The following SETX variants were observed in gnomAD, a reference collection of about 807,000 sequenced individuals.
The protein encoded by SETX is senataxin.
Under a neutral mutation model 227.2 loss-of-function variants are expected in SETX, and 90 were observed. That is an observed-to-expected ratio of 0.40 (90% confidence interval 0.33 to 0.47). SETX has a LOEUF of 0.47. Among genes scored for constraint, SETX ranks in the 20% least tolerant of loss-of-function variants. The pLI is 0.91. For missense variants in SETX, 3,052 were observed against 3,181.5 expected (o/e 0.96, Z 0.98); for synonymous variants, 1,210 against 1,113.2 (o/e 1.09, Z -1.73).
At chr9:132,284,596 G>C (rs1348824089) in intron 18 of SETX, among the ~76,000 whole-genome samples, 1 of 152,122 alleles carries the variant, frequency 6.6e-6, no homozygotes, top group African/African-American at 2.4e-5. Context: ...AATCTTACAG[G>C]ATATTTTCAC....
chr9:132,331,918 A>C (rs1483040864), intron 7 of SETX, among the ~76,000 whole-genome samples: 1 of 152,222 alleles, frequency 6.6e-6, no homozygotes, highest in Non-Finnish European at 1.5e-5. Flanking sequence ...ATAATACAAG[A>C]AATTCTCTTT....
At chr9:132,319,615 G>A (rs2131388423) in intron 10 of SETX, among the ~76,000 whole-genome samples, 1 of 152,082 alleles carries the variant, frequency 6.6e-6, no homozygotes, top group East Asian at 1.9e-4. Context: ...CCCACCTCCT[G>A]AACAATACTT....
At position 132,349,404 on chromosome 9, in the gene SETX, G is replaced by A. The variant is rs200979931; in HGVS notation, c.25C>T (p.Pro9Ser). The stretch of plus-strand genomic sequence containing the variant: ...AAGTCAATGGTGGAAGCACCACCTG[G>A]CGTACACCAACAACATGTGCTCATT... MSTCCWCT[P>S]GGASTIDFLK... The change falls in exon 3 of 26, where the codon CCA becomes TCA. Residue 9 changes from proline (P) to serine (S), a missense_variant. By Grantham distance (74) the Pro-to-Ser change is moderately conservative. This residue lies in a region of SETX where 152 missense variants were observed against 156.2 expected (regional missense o/e 0.97). Coordinates refer to ENST00000224140, the MANE Select transcript of SETX (RefSeq NM_015046.7). 3.7e-6 allele frequency: 6 copies of A among 1,614,026 alleles called. No individual in the cohort carries two copies. The highest frequency in any genetic ancestry group is 5.1e-6 in the Non-Finnish European group (6 of 1,180,056).
At chr9:132,317,069 T>C (rs921244288) in intron 10 of SETX, among the ~76,000 whole-genome samples, 6 of 152,218 alleles carry the variant, frequency 3.9e-5, no homozygotes, top group Admixed American at 2.0e-4. Flanking sequence ...TCCATGAACA[T>C]AGCGCTCTCC....
chr9:132,311,538 G>A (rs1051248312), intron 11 of SETX, among the ~76,000 whole-genome samples: 1 of 152,108 alleles, frequency 6.6e-6, no homozygotes. Flanking sequence ...AATTCAGCCT[G>A]TAGTATTCTA....
chr9:132,308,073 G>C (rs1485291916), intron 11 of SETX, among the ~76,000 whole-genome samples: 1 of 152,156 alleles, frequency 6.6e-6, no homozygotes, highest in Non-Finnish European at 1.5e-5. Flanking sequence ...TAACCAAATA[G>C]TAGTAGAGAA....
chr9:132,278,351 G>T, intron 20 of SETX, 94 bp from the exon 21 acceptor site: 1 of 1,245,010 alleles, frequency 8.0e-7, no homozygotes, highest in African/African-American at 1.4e-5. Flanking sequence ...ATACGTATAT[G>T]GCAACGTTCA....
chr9:132,302,356 C>CAAAAAAAAAAAAAAAAAAAA (rs35649212), intron 11 of SETX, among the ~76,000 whole-genome samples: 1 of 27,814 alleles, frequency 3.6e-5, no homozygotes, highest in African/African-American at 1.5e-4. Flanking sequence ...GAATCCATCT[C>CAAAAAAAAAAAAAAAAAAAA]AAAAAAAAAA....
chr9:132,350,515 G>C (rs1848546569), intron 2 of SETX, among the ~76,000 whole-genome samples: 1 of 152,154 alleles, frequency 6.6e-6, no homozygotes, highest in South Asian at 2.1e-4. Context: ...CTTGGCTGCT[G>C]AGGCTTCTGT....
Position 132,327,218 on chromosome 9 carries a change from A to G in SETX, c.4380T>C (p.Thr1460=). Residue 1460 remains threonine (T), a synonymous_variant, in exon 10 of 26, where the codon ACT becomes ACC. Transcript: ENST00000224140. ...TVPTNEVIVS[T]SEDPLGGGDP... is the part of the protein sequence containing the mutation. ...CACCTCCACCCAGAGGGTCTTCTGA[A>G]GTGGAGACAATTACTTCATTTGTTG... The G allele has an allele frequency of 1.2e-6, 2 of 1,614,218 alleles. No individual in the cohort carries two copies. Among genetic ancestry groups the G allele is most frequent in the Non-Finnish European group, 1.7e-6 (2 of 1,180,046 alleles).
chr9:132,274,440 CTTT>C (rs1346968200), intron 23 of SETX, among the ~76,000 whole-genome samples: 3 of 132,474 alleles, frequency 2.3e-5, no homozygotes, highest in Non-Finnish European at 1.6e-5. Context: ...CTGATTTTTT[CTTT>C]TTTTTTTTTT....
Position 132,326,836 on chromosome 9 carries a change from C to A in SETX, c.4762G>T (p.Ala1588Ser), listed in dbSNP as rs991200866. 6.8e-6 allele frequency: 11 copies of A among 1,614,074 alleles called. No individual in the cohort carries two copies. Among genetic ancestry groups the A allele is most frequent in the Middle Eastern group, 3.3e-4 (2 of 6,084 alleles). ...VFRKPGLPPPASKPLRPTTKI... is the reference protein window; with the variant it reads ...VFRKPGLPPPSSKPLRPTTKI... ...GTGGTAGGTCTCAAAGGTTTAGATG[C>A]AGGAGGAGGCAAGCCAGGTTTACGA... The change falls in exon 10 of 26, where the codon GCA becomes TCA. Residue 1588 changes from alanine (A) to serine (S), a missense_variant. Ala to Ser is a moderately conservative substitution (Grantham distance 99). Around this residue, in one of 10 missense-constraint regions of SETX, gnomAD observed 1,483 missense variants for 1,312.0 expected, o/e 1.13. Transcript: ENST00000224140.
rs1846154983 is a variant in SETX, at chr9:132,318,798, TA to T, written c.5275-6943del. 2.6e-5 allele frequency among the ~76,000 whole-genome samples: 4 copies of T among 152,160 alleles called. No homozygotes were observed. The South Asian group carries it at 8.3e-4, about 32-fold the overall frequency. ...TTCTGCCCTGCACCACAAGGTAACA[TA>T]AGGGTAGTACTCTAGCCCAGGGTAA... On this transcript the variant is annotated intron_variant, in intron 10 of 25. Transcript: ENST00000224140.
chr9:132,273,627 T>G (rs1230478653), intron 23 of SETX, among the ~76,000 whole-genome samples: 2 of 152,376 alleles, frequency 1.3e-5, no homozygotes, highest in Non-Finnish European at 2.9e-5. Context: ...GCTAGTTGCA[T>G]CAAAATATAA....
chr9:132,327,431 T>A lies in SETX; in HGVS notation c.4167A>T (p.Pro1389=), dbSNP rs767812158. ...AATTATAATCTGACCTATCAGATTCTGGTACAAATATGTCAGAATTCTGTG... is the reference window on the plus strand; with the variant it reads ...AATTATAATCTGACCTATCAGATTCAGGTACAAATATGTCAGAATTCTGTG... The part of the protein sequence containing the change: ...HTAQNSDIFV[P]ESDRSDYNCT... Residue 1389 remains proline, a synonymous_variant, in exon 10 of 26, where the codon CCA becomes CCT. Coordinates refer to ENST00000224140, the MANE Select transcript of SETX (RefSeq NM_015046.7). 4.3e-6 allele frequency: 7 copies of A among 1,614,066 alleles called. No individual in the cohort carries two copies. The African/African-American group carries it at 9.3e-5, about 22-fold the overall frequency.
intron 5 of SETX, among the ~76,000 whole-genome samples, chr9:132,340,881 A>G (rs1390708432): frequency 1.3e-5 from 2 of 152,138 alleles, no homozygotes; most frequent in Non-Finnish European, 2.9e-5. Context: ...TTCCTTTTCT[A>G]CTTTATTCTC....
intron 15 of SETX, among the ~76,000 whole-genome samples, chr9:132,292,393 TACCCCAGCCTGAGCTGGGGTACA>T (rs1257078343): frequency 7.9e-6 from 1 of 126,058 alleles, no homozygotes; most frequent in African/African-American, 3.0e-5. Context: ...CATGCCAATG[TACCCCAGCCTGAGCTGGGGTACA>T]AAAAAAAAAA....
rs147529112 is a variant in SETX at position 132,311,198 on chromosome 9, C to T, written c.5374+559G>A. 4.4e-4 allele frequency among the ~76,000 whole-genome samples: 67 copies of T among 152,264 alleles called. No individual in the cohort carries two copies. In the East Asian group the frequency reaches 0.011, roughly 24 times the overall value. On this transcript the variant is annotated intron_variant, in intron 11 of 25. Transcript: ENST00000224140. Reference sequence around the variant, plus strand: ...GCCAGGACGGTCTCGATCTCTTGACCTGGTGATCCCCGCCCGCCTCGGCCT... The same window carrying T: ...GCCAGGACGGTCTCGATCTCTTGACTTGGTGATCCCCGCCCGCCTCGGCCT...
chr9:132,298,321 A>C lies in SETX; in HGVS notation c.5549-9T>G. ...AGTTTTCCCATTACGCACTATCATC[A>C]AGAAAGAGAAAAAGCAACTTCAGTT... On this transcript the variant is annotated splice_polypyrimidine_tract_variant and intron_variant, in intron 12 of 25. Transcript: ENST00000224140. The C allele has an allele frequency of 6.2e-7, 1 of 1,611,430 alleles. No individual in the cohort carries two copies. Among genetic ancestry groups the C allele is most frequent in the South Asian group, 1.1e-5 (1 of 90,986 alleles).
Sources: allele counts gnomAD v4.1 joint callset (sites outside exome capture counted in the v4.1 genomes callset), GRCh38; gene constraint gnomAD v4.1.1; regional missense constraint gnomAD v4.1.1; transcripts MANE v1.5; gene names NCBI Gene and HGNC (gene_info 2026-07-23, HGNC 2026-07-21).